MINAR1: variants seen among roughly 807,000 people sequenced by gnomAD.
MINAR1 encodes the protein membrane integral NOTCH2 associated receptor 1, also known as major intrinsically disordered Notch2-binding receptor 1.
A neutral mutation model predicts 65.1 loss-of-function variants in MINAR1; 40 were observed. That is an observed-to-expected ratio of 0.61 (90% CI 0.48 to 0.80). MINAR1 has a LOEUF of 0.80. MINAR1 is among the 30% of genes least tolerant of loss of function. MINAR1 has a pLI of 0.00. For synonymous variants in MINAR1, 482 were observed against 449.1 expected (o/e 1.07, Z -0.93); for missense variants, 1,128 against 1,148.0 (o/e 0.98, Z 0.25).
At chr15:79,425,775 C>T in the MINAR1 span, 1,870 of 152,644 alleles carry the variant, frequency 0.012, 16 homozygotes, top group African/African-American at 0.017. Flanking sequence ...GAGCCAGACA[C>T]GAGAGAGCCG....
chr15:79,427,435 G>A (rs1894340473), upstream of MINAR1: 1 of 152,130 alleles, frequency 6.6e-6, no homozygotes, highest in Admixed American at 6.5e-5. Flanking sequence ...AAAATCAGAA[G>A]TTTACCATTC....
chr15:79,447,201 T>C (rs1000043460), intron 1 of MINAR1, among the ~76,000 whole-genome samples: 1 of 152,198 alleles, frequency 6.6e-6, no homozygotes, highest in African/African-American at 2.4e-5. Context: ...TTCATGTCTT[T>C]TATCTTTGTA....
chr15:79,445,626 G>A (rs1034391539), intron 1 of MINAR1, among the ~76,000 whole-genome samples: 2 of 147,238 alleles, frequency 1.4e-5, no homozygotes, highest in African/African-American at 5.0e-5. Context: ...TTGGCTCACC[G>A]CAACCTCCAC....
chr15:79,453,795 G>T (rs1212154425), intron 1 of MINAR1, among the ~76,000 whole-genome samples: 1 of 152,164 alleles, frequency 6.6e-6, no homozygotes, highest in East Asian at 1.9e-4. Flanking sequence ...GAGACACTGG[G>T]CCTTGGTTTT....
At chr15:79,415,557 GT>G in the MINAR1 span, 5 of 152,180 alleles carry the variant, frequency 3.3e-5, no homozygotes, top group Non-Finnish European at 5.9e-5. Context: ...AAAATCGGTA[GT>G]AGTTGCGGTA....
At chr15:79,468,093 C>A in intron 3 of MINAR1, 94 bp from the exon 4 acceptor site, 1 of 980,882 alleles carries the variant, frequency 1.0e-6, no homozygotes, top group South Asian at 1.6e-5. Context: ...CAGCTGCAGA[C>A]AACTTAAGTG....
rs927877916 is a variant in MINAR1 at position 79,468,123 on chromosome 15, C to G, written c.2554-64C>G. The G allele has an allele frequency of 3.7e-6, 5 of 1,339,638 alleles. No individual in the cohort carries two copies. In the African/African-American group the frequency reaches 7.2e-5, roughly 19 times the overall value. The allele number at this position is 1,339,638 out of a possible 1,614,324, so 83.0% of individuals were successfully genotyped here. On this transcript the variant is annotated intron_variant, in intron 3 of 3. Transcript: ENST00000305428. ...TAAGTGCTTCAGGAGTGATGACTGT[C>G]GGGACGTCTTTGACCTGATTTCAAG... is the stretch of plus-strand genomic sequence containing the variant.
chr15:79,469,528 CTTATCTATATGTCTATCTAT>C lies in MINAR1; in HGVS notation c.*1145_*1164del. The C allele has an allele frequency of 6.6e-6, 1 of 152,426 alleles. No individual in the cohort carries two copies. The highest frequency in any genetic ancestry group is 1.9e-4 in the East Asian group (1 of 5,166). 9.4% of individuals were successfully genotyped at this position (152,426 alleles called of 1,614,324 possible). On this transcript the variant is annotated 3_prime_UTR_variant, in exon 4 of 4. Transcript: ENST00000305428. Reference sequence around the variant, plus strand: ...GCAAAAAATATTATCTGTTTAACCACTTATCTATATGTCTATCTATCTATCTATATGTCTATCTATCTATC... The same window carrying C: ...GCAAAAAATATTATCTGTTTAACCACCTATCTATATGTCTATCTATCTATC...
chr15:79,415,322 A>G, the MINAR1 span: 9 of 152,240 alleles, frequency 5.9e-5, no homozygotes, highest in African/African-American at 2.2e-4. Context: ...AATGTCAGCC[A>G]CAGGGAGCCA....
At chr15:79,426,043 A>C in the MINAR1 span, 1 of 152,294 alleles carries the variant, frequency 6.6e-6, no homozygotes, top group Admixed American at 6.5e-5. Context: ...CTGGGTTGCC[A>C]ACATCAGACA....
intron 3 of MINAR1, among the ~76,000 whole-genome samples, chr15:79,467,102 G>A (rs569388602): frequency 6.6e-6 from 1 of 152,300 alleles, no homozygotes; most frequent in South Asian, 2.1e-4. Flanking sequence ...AATCTAGAAG[G>A]TCAGGCAGAG....
chr15:79,457,955 T>C lies in MINAR1; in HGVS notation c.1808T>C (p.Ile603Thr), dbSNP rs370531340. Residue 603 changes from isoleucine to threonine, a missense_variant, in exon 2 of 4, where the codon ATT becomes ACT. By Grantham distance (89) the Ile-to-Thr change is moderately conservative. Coordinates refer to ENST00000305428, the MANE Select transcript of MINAR1 (RefSeq NM_015206.3). ...AGTGTGTGCAAACTGGTGCTCAGGA[T>C]TGGCGAAATTGAACGGAAGCTGGAA... Reference protein sequence around the residue: ...KTSVCKLVLRIGEIERKLESL... With the variant: ...KTSVCKLVLRTGEIERKLESL... 136 of 1,613,970 alleles carry C rather than the reference T, an allele frequency of 8.4e-5. No individual in the cohort carries two copies. The highest frequency in any genetic ancestry group is 1.1e-4 in the Non-Finnish European group (126 of 1,179,992).
the MINAR1 span, chr15:79,420,344 T>C: frequency 1.3e-5 from 2 of 152,242 alleles, no homozygotes; most frequent in Non-Finnish European, 2.9e-5. Flanking sequence ...GACTAACTGA[T>C]GTGAAATACC....
intron 2 of MINAR1, among the ~76,000 whole-genome samples, chr15:79,461,591 C>T (rs1289877326): frequency 2.6e-5 from 4 of 152,120 alleles, no homozygotes; most frequent in Non-Finnish European, 5.9e-5. Context: ...AAGAGGGAAC[C>T]TCATTTTCTT....
chr15:79,419,560 GGGACT>G, the MINAR1 span: 1 of 152,098 alleles, frequency 6.6e-6, no homozygotes, highest in Admixed American at 6.6e-5. Flanking sequence ...TTATGAAGAG[GGGACT>G]TTGCTGTCTA....
upstream of MINAR1, chr15:79,427,561 TTG>T (rs1194922787): frequency 6.6e-6 from 1 of 152,170 alleles, no homozygotes; most frequent in Non-Finnish European, 1.5e-5. Flanking sequence ...CACTCCAAAT[TTG>T]TGTCTCATAA....
chr15:79,456,592 G>T lies in MINAR1; in HGVS notation c.445G>T (p.Gly149Cys). The change falls in exon 2 of 4, where the codon GGC becomes TGC. Residue 149 changes from glycine (G) to cysteine (C), a missense_variant. Gly to Cys is a radical substitution (Grantham distance 159). Transcript: ENST00000305428. ...CELSERSFSR[G>C]YPIRQSSKCR... ...GCTGAGTGAGAGGTCTTTCAGCCGG[G>T]GCTACCCCATCAGGCAGTCGTCCAA... 1.2e-6 allele frequency: 2 copies of T among 1,614,140 alleles called. No homozygotes were observed. The highest frequency in any genetic ancestry group is 1.7e-6 in the Non-Finnish European group (2 of 1,180,034).
At position 79,458,265 on chromosome 15, in the gene MINAR1, G is replaced by A. The variant is rs1230115031; in HGVS notation, c.2118G>A (p.Arg706=). ...VKALKKSLFT[R]PSSRSLTEEN... is the part of the protein sequence containing the mutation. ...CCTTAAAAAAAAGCCTCTTCACCAG[G>A]CCATCCTCTAGGTCCCTAACAGAGG... Residue 706 remains arginine, a synonymous_variant, in exon 2 of 4, where the codon AGG becomes AGA. Coordinates refer to ENST00000305428, the MANE Select transcript of MINAR1 (RefSeq NM_015206.3). 3.1e-6 allele frequency: 5 copies of A among 1,614,078 alleles called. No homozygotes were observed. The South Asian group carries it at 4.4e-5, about 14-fold the overall frequency.
At chr15:79,418,712 G>A in the MINAR1 span, 2 of 152,430 alleles carry the variant, frequency 1.3e-5, no homozygotes, top group African/African-American at 2.4e-5. Flanking sequence ...GCAGGAGGGA[G>A]CCCGAGATTA....
Sources: allele counts gnomAD v4.1 joint callset (sites outside exome capture counted in the v4.1 genomes callset), GRCh38; gene constraint gnomAD v4.1.1; transcripts MANE v1.5; gene names NCBI Gene and HGNC (gene_info 2026-07-23, HGNC 2026-07-21).